The following PTPRR variants were observed in gnomAD, a reference collection of about 807,000 sequenced individuals.
PTPRR encodes the protein receptor-type tyrosine-protein phosphatase R.
Under a neutral mutation model 77.2 loss-of-function variants are expected in PTPRR, and 38 were observed. The ratio of observed to expected loss-of-function variants is 0.49; its 90% CI spans 0.38 to 0.65. PTPRR has a LOEUF of 0.65. PTPRR is among the 30% of genes least tolerant of loss of function. PTPRR has a pLI of 0.00. For synonymous variants in PTPRR, 299 were observed against 283.1 expected (o/e 1.06, Z -0.57); for missense variants, 744 against 799.2 (o/e 0.93, Z 0.83).
intron 2 of PTPRR, among the ~76,000 whole-genome samples, chr12:70,821,572 G>A (rs988315032): frequency 2.4e-4 from 37 of 151,970 alleles, no homozygotes; most frequent in East Asian, 3.9e-4. Context: ...TAAGTTTGGC[G>A]TGCTTAAGAA....
intron 13 of PTPRR, among the ~76,000 whole-genome samples, chr12:70,643,702 A>G (rs1886093528): frequency 6.6e-6 from 1 of 152,260 alleles, no homozygotes; most frequent in African/African-American, 2.4e-5. Flanking sequence ...CTGGATCTAT[A>G]TTACTGATAT....
chr12:70,780,164 G>A (rs916246678), intron 2 of PTPRR, among the ~76,000 whole-genome samples: 4 of 152,178 alleles, frequency 2.6e-5, no homozygotes, highest in East Asian at 1.9e-4. Context: ...GCTAGTTTTC[G>A]TATTTTTAGT....
intron 13 of PTPRR, among the ~76,000 whole-genome samples, chr12:70,648,710 C>A (rs1376249311): frequency 6.6e-6 from 1 of 152,020 alleles, no homozygotes; most frequent in African/African-American, 2.4e-5. Context: ...ATGTCCGGCA[C>A]CTCATTCTTT....
chr12:70,720,916 G>T (rs1020862170), intron 6 of PTPRR, among the ~76,000 whole-genome samples: 8 of 152,158 alleles, frequency 5.3e-5, no homozygotes, highest in Non-Finnish European at 1.2e-4. Context: ...TTTGGTTTCA[G>T]ATTAAAGCTC....
intron 2 of PTPRR, among the ~76,000 whole-genome samples, chr12:70,786,896 A>G (rs908156241): frequency 1.3e-5 from 2 of 152,214 alleles, no homozygotes; most frequent in Non-Finnish European, 2.9e-5. Context: ...TCATGGGGGA[A>G]TTAATAATTT....
intron 5 of PTPRR, among the ~76,000 whole-genome samples, chr12:70,752,960 G>A (rs905358365): frequency 2.6e-5 from 4 of 152,068 alleles, no homozygotes; most frequent in African/African-American, 9.7e-5. Context: ...TCTGCCATGT[G>A]AAATATAAAA....
rs144970419 is a variant in PTPRR, at chr12:70,826,732, G to A, written c.358-61954C>T. 5.2e-4 allele frequency among the ~76,000 whole-genome samples: 79 copies of A among 152,258 alleles called. 1 individual carries two copies. Among genetic ancestry groups the A allele is most frequent in the South Asian group, 2.9e-3 (14 of 4,824 alleles). Reference sequence around the variant, plus strand: ...GGACTGGCTGCAAAACATGTATGGCGTTCACTAGTCCTTTGCTCCGGATAA... The same window carrying A: ...GGACTGGCTGCAAAACATGTATGGCATTCACTAGTCCTTTGCTCCGGATAA... On this transcript the variant is annotated intron_variant, in intron 2 of 13. Transcript: ENST00000283228.
At chr12:70,900,771 T>C (rs981612917) in intron 1 of PTPRR, among the ~76,000 whole-genome samples, 1 of 151,510 alleles carries the variant, frequency 6.6e-6, no homozygotes, top group African/African-American at 2.4e-5. Context: ...TAAATGAAAA[T>C]ATGCTCAGCA....
chr12:70,889,235 T>C (rs1032722181), intron 2 of PTPRR, among the ~76,000 whole-genome samples: 1 of 152,188 alleles, frequency 6.6e-6, no homozygotes, highest in Non-Finnish European at 1.5e-5. Context: ...ATTAAACCAA[T>C]TTGTCTATTG....
chr12:70,746,119 A>AT, intron 5 of PTPRR, 33 bp from the exon 6 acceptor site: 1 of 1,576,598 alleles, frequency 6.3e-7, no homozygotes, highest in Non-Finnish European at 8.6e-7. Flanking sequence ...CTCCTGTCAC[A>AT]TTTTCTCACA....
At chr12:70,845,832 G>C (rs1305696499) in intron 2 of PTPRR, among the ~76,000 whole-genome samples, 1 of 152,114 alleles carries the variant, frequency 6.6e-6, no homozygotes, top group African/African-American at 2.4e-5. Flanking sequence ...CTGATGTTTG[G>C]TGATCTAGTT....
intron 5 of PTPRR, among the ~76,000 whole-genome samples, chr12:70,753,306 T>C (rs1890461258): frequency 6.6e-6 from 1 of 152,114 alleles, no homozygotes; most frequent in Non-Finnish European, 1.5e-5. Context: ...TTGTTGATTG[T>C]GGAGAGAAAT....
At chr12:70,757,556 C>CA (rs1890591358) in intron 4 of PTPRR, among the ~76,000 whole-genome samples, 1 of 151,868 alleles carries the variant, frequency 6.6e-6, no homozygotes, top group African/African-American at 2.4e-5. Context: ...CAAATGAAAA[C>CA]AAATGACTAA....
chr12:70,900,690 A>G (rs1592823926), intron 1 of PTPRR, among the ~76,000 whole-genome samples: 1 of 151,574 alleles, frequency 6.6e-6, no homozygotes, highest in South Asian at 2.1e-4. Context: ...AAAAAAATTA[A>G]CCCAGTGAAA....
chr12:70,767,228 TAA>T (rs1420846055), intron 2 of PTPRR, among the ~76,000 whole-genome samples: 1 of 152,026 alleles, frequency 6.6e-6, no homozygotes, highest in Non-Finnish European at 1.5e-5. Context: ...GCAAATTGGA[TAA>T]AGAGTCAAGA....
At chr12:70,764,064 T>C (rs2136965817) in intron 3 of PTPRR, among the ~76,000 whole-genome samples, 1 of 151,972 alleles carries the variant, frequency 6.6e-6, no homozygotes, top group East Asian at 1.9e-4. Context: ...AGTTTTCTCT[T>C]GGTTTTCCTG....
chr12:70,715,024 AT>A (rs34140284), intron 6 of PTPRR, among the ~76,000 whole-genome samples: 12 of 150,524 alleles, frequency 8.0e-5, no homozygotes, highest in African/African-American at 2.2e-4. Context: ...TGCCAAAATA[AT>A]TTTTTTTTTG....
chr12:70,868,810 T>C (rs1003971089), intron 2 of PTPRR, among the ~76,000 whole-genome samples: 5 of 151,740 alleles, frequency 3.3e-5, no homozygotes, highest in African/African-American at 7.3e-5. Context: ...ATAGACTGGA[T>C]TAAGAAAATG....
intron 2 of PTPRR, among the ~76,000 whole-genome samples, chr12:70,770,359 A>T (rs1433850036): frequency 1.3e-5 from 2 of 152,198 alleles, no homozygotes; most frequent in Non-Finnish European, 2.9e-5. Flanking sequence ...GGATATGAAC[A>T]GACACTTCTC....
Sources: gnomAD v4.1 joint callset for allele counts (sites outside exome capture counted in the v4.1 genomes callset) on GRCh38, gnomAD v4.1.1 for gene constraint, MANE v1.5 for transcripts, NCBI Gene and HGNC (gene_info 2026-07-23, HGNC 2026-07-21) for gene names.